The following COPG2 variants were observed in gnomAD, a reference collection of about 807,000 sequenced individuals.
COPG2 encodes coat protein complex I subunit gamma 2.
COPG2 carries 37 observed loss-of-function variants against 46.3 expected under a neutral mutation model. The ratio of observed to expected loss-of-function variants is 0.80; its 90% CI spans 0.61 to 1.05. The LOEUF (loss-of-function observed/expected upper bound fraction) is 1.05. Ranked by LOEUF, COPG2 falls within the 50% of genes least tolerant of loss-of-function variation. The pLI is 0.00. For missense variants in COPG2, 427 were observed against 387.8 expected (o/e 1.10, Z -0.85); for synonymous variants, 159 against 129.7 (o/e 1.23, Z -1.53).
At chr7:130,651,494 ATTTTTTTTTTTTTTTTTTT>A (rs59572019) in intron 5 of COPG2, among the ~76,000 whole-genome samples, 3 of 57,244 alleles carry the variant, frequency 5.2e-5, no homozygotes, top group South Asian at 7.6e-4. Context: ...ATTTTTTTGT[ATTTTTTTTTTTTTTTTTTT>A]TTTTTTTTTT....
At chr7:130,559,314 C>T (rs1793680422) in intron 12 of COPG2, among the ~76,000 whole-genome samples, 1 of 152,144 alleles carries the variant, frequency 6.6e-6, no homozygotes, top group Non-Finnish European at 1.5e-5. Context: ...TCCAACATCA[C>T]TACTGCCCAT....
intron 9 of COPG2, among the ~76,000 whole-genome samples, chr7:130,594,611 T>C (rs1554449474): frequency 1.3e-5 from 2 of 152,184 alleles, no homozygotes; most frequent in Admixed American, 1.3e-4. Context: ...AAATTATGTA[T>C]CTGATAAGGG....
intron 12 of COPG2, among the ~76,000 whole-genome samples, chr7:130,556,022 T>G (rs1793617888): frequency 6.6e-6 from 1 of 151,806 alleles, no homozygotes; most frequent in Admixed American, 6.6e-5. Flanking sequence ...GTAGCCAGAG[T>G]GTGAGCATTT....
At chr7:130,643,902 G>C (rs1441385576) in intron 5 of COPG2, among the ~76,000 whole-genome samples, 1 of 152,200 alleles carries the variant, frequency 6.6e-6, no homozygotes, top group Non-Finnish European at 1.5e-5. Flanking sequence ...CCAGAAGTTG[G>C]AGGTTGCAGT....
chr7:130,537,740 G>T (rs1023194927), intron 20 of COPG2, among the ~76,000 whole-genome samples: 1 of 152,234 alleles, frequency 6.6e-6, no homozygotes, highest in Non-Finnish European at 1.5e-5. Flanking sequence ...AAGAGTGTGG[G>T]TGTGAACGTA....
intron 5 of COPG2, among the ~76,000 whole-genome samples, chr7:130,636,325 T>C (rs569044041): frequency 5.3e-5 from 8 of 152,258 alleles, no homozygotes; most frequent in African/African-American, 1.9e-4. Context: ...CCCACTATTA[T>C]TGTGTGGGAG....
chr7:130,531,101 G>A (rs1203411724), intron 20 of COPG2, among the ~76,000 whole-genome samples: 1 of 140,988 alleles, frequency 7.1e-6, no homozygotes, highest in African/African-American at 2.7e-5. Flanking sequence ...GTCTGGGTTG[G>A]GGATGGGGTT....
rs1481458025 is a variant in COPG2 at position 130,616,918 on chromosome 7, A to C, written c.399+72T>G. Reference sequence around the variant, plus strand: ...TCACAAAGTCAGACTAGGAAATCCTACTAAATCTACATGGCCACCTGCAGA... The same window carrying C: ...TCACAAAGTCAGACTAGGAAATCCTCCTAAATCTACATGGCCACCTGCAGA... On this transcript the variant is annotated intron_variant, in intron 6 of 23. Coordinates refer to ENST00000425248, the MANE Select transcript of COPG2 (RefSeq NM_012133.6). 3 of 933,288 alleles carry C rather than the reference A, an allele frequency of 3.2e-6. No homozygotes were observed. In the African/African-American group the frequency reaches 5.0e-5, roughly 16 times the overall value. 57.8% of individuals were successfully genotyped at this position (933,288 alleles called of 1,614,324 possible).
At chr7:130,581,584 A>G (rs1324716004) in intron 9 of COPG2, among the ~76,000 whole-genome samples, 1 of 133,770 alleles carries the variant, frequency 7.5e-6, no homozygotes, top group African/African-American at 2.8e-5. Context: ...ACATGATTGT[A>G]TATCTAGAAA....
Position 130,508,554 on chromosome 7 carries a change from A to C in COPG2, c.2247+8T>G. 1.3e-6 allele frequency: 1 copy of C among 771,988 alleles called. No individual in the cohort carries two copies. The highest frequency in any genetic ancestry group is 2.4e-6 in the Non-Finnish European group (1 of 414,060). 47.8% of individuals were successfully genotyped at this position (771,988 alleles called of 1,614,324 possible). ...GTCAAAGAAAGTCTCTATGCTGGGA[A>C]GACTCACCACATACTCATCATCATA... On this transcript the variant is annotated splice_region_variant and intron_variant, in intron 21 of 23. Transcript: ENST00000425248.
intron 20 of COPG2, among the ~76,000 whole-genome samples, chr7:130,544,066 G>C (rs1793389767): frequency 6.6e-6 from 1 of 152,092 alleles, no homozygotes; most frequent in East Asian, 1.9e-4. Context: ...AAGGGGAAAG[G>C]GTGGCTGAAT....
At chr7:130,586,541 C>T (rs1554448011) in intron 9 of COPG2, among the ~76,000 whole-genome samples, 1 of 152,062 alleles carries the variant, frequency 6.6e-6, no homozygotes, top group Non-Finnish European at 1.5e-5. Flanking sequence ...CGGCTCACTG[C>T]AAGCTCTGCC....
chr7:130,666,536 A>G (rs1338376828), intron 3 of COPG2, among the ~76,000 whole-genome samples: 1 of 152,222 alleles, frequency 6.6e-6, no homozygotes, highest in Non-Finnish European at 1.5e-5. Flanking sequence ...CACTCATCAG[A>G]GCATTCTGGA....
At chr7:130,524,782 A>C (rs1799758381) in intron 20 of COPG2, among the ~76,000 whole-genome samples, 1 of 152,180 alleles carries the variant, frequency 6.6e-6, no homozygotes, top group African/African-American at 2.4e-5. Flanking sequence ...GCTACCTTGG[A>C]AACACAGGGG....
intron 14 of COPG2, among the ~76,000 whole-genome samples, chr7:130,554,187 T>C (rs2116391447): frequency 6.6e-6 from 1 of 152,208 alleles, no homozygotes; most frequent in South Asian, 2.1e-4. Flanking sequence ...CTTAAAAATA[T>C]ATATATAGAA....
chr7:130,571,177 A>T (rs1793890487), intron 9 of COPG2, among the ~76,000 whole-genome samples: 1 of 152,256 alleles, frequency 6.6e-6, no homozygotes, highest in African/African-American at 2.4e-5. Flanking sequence ...AATGCGAGAA[A>T]AGCAAAGATA....
chr7:130,507,574 G>A, intron 22 of COPG2, 111 bp downstream of exon 22: 1 of 652,898 alleles, frequency 1.5e-6, no homozygotes, highest in Non-Finnish European at 2.8e-6. Context: ...TTTTAAGTAA[G>A]AGATTTATGA....
chr7:130,602,866 C>T (rs1056465748), intron 9 of COPG2: 2 of 152,108 alleles, frequency 1.3e-5, no homozygotes, highest in Non-Finnish European at 2.9e-5. Context: ...TGCTTAGCTT[C>T]CAAGATCAGA....
chr7:130,605,773 C>A, intron 9 of COPG2: 1 of 520,038 alleles, frequency 1.9e-6, no homozygotes, highest in Non-Finnish European at 3.8e-6. Context: ...CAGCACTCCA[C>A]CAACATCTTC....
Sources: gnomAD v4.1 joint callset for allele counts (sites outside exome capture counted in the v4.1 genomes callset) on GRCh38, gnomAD v4.1.1 for gene constraint, MANE v1.5 for transcripts, NCBI Gene and HGNC (gene_info 2026-07-23, HGNC 2026-07-21) for gene names.